FSTL5: variants seen among roughly 807,000 people sequenced by gnomAD.
FSTL5 encodes the protein follistatin-related protein 5.
FSTL5 carries 62 observed loss-of-function variants against 89.1 expected under a neutral mutation model. That is an observed-to-expected ratio of 0.70 (90% CI 0.57 to 0.86). FSTL5 has a LOEUF of 0.86. Ranked by LOEUF, FSTL5 falls within the 40% of genes least tolerant of loss-of-function variation. The probability of loss-of-function intolerance (pLI) is 0.00; values close to 1 mark genes in which losing one functional copy is unlikely to be tolerated. For synonymous variants in FSTL5, 383 were observed against 346.2 expected (o/e 1.11, Z -1.18); for missense variants, 1,057 against 1,001.6 (o/e 1.06, Z -0.75).
At chr4:161,877,687 G>A (rs1425696480) in intron 4 of FSTL5, among the ~76,000 whole-genome samples, 1 of 151,720 alleles carries the variant, frequency 6.6e-6, no homozygotes, top group African/African-American at 2.4e-5. Flanking sequence ...TTAGCCAGGC[G>A]TTGTGGCGGG....
chr4:162,037,029 CTTTAT>C (rs1377806229), intron 2 of FSTL5, among the ~76,000 whole-genome samples: 2 of 151,528 alleles, frequency 1.3e-5, no homozygotes, highest in African/African-American at 4.8e-5. Flanking sequence ...TGGCCTTTTG[CTTTAT>C]TTTGTTTAGT....
intron 3 of FSTL5, among the ~76,000 whole-genome samples, chr4:161,999,993 C>T (rs1215734893): frequency 6.6e-6 from 1 of 152,118 alleles, no homozygotes; most frequent in Non-Finnish European, 1.5e-5. Flanking sequence ...TCAGCCTGTA[C>T]TAAATGACTG....
chr4:161,775,856 T>C (rs1436477823), intron 5 of FSTL5, 22 bp downstream of exon 5: 1 of 1,264,414 alleles, frequency 7.9e-7, no homozygotes, highest in Non-Finnish European at 1.1e-6. Flanking sequence ...AGTAAGTTTG[T>C]TAATATAGTC....
At chr4:162,110,003 T>A (rs528587391) in intron 2 of FSTL5, among the ~76,000 whole-genome samples, 1 of 152,138 alleles carries the variant, frequency 6.6e-6, no homozygotes, top group African/African-American at 2.4e-5. Flanking sequence ...GGAGAAAGCA[T>A]TGATAATTGA....
Position 161,656,509 on chromosome 4 carries a change from T to A in FSTL5, c.728-15A>T. The A allele has an allele frequency of 6.7e-7, 1 of 1,486,312 alleles. No individual in the cohort carries two copies. The highest frequency in any genetic ancestry group is 9.0e-7 in the Non-Finnish European group (1 of 1,116,134). 92.1% of individuals were successfully genotyped at this position (1,486,312 alleles called of 1,614,324 possible). On this transcript the variant is annotated splice_polypyrimidine_tract_variant and intron_variant, in intron 6 of 15. Coordinates refer to ENST00000306100, the MANE Select transcript of FSTL5 (RefSeq NM_020116.5). ...CTGGATCACTTCTGTAAAGATGAAG[T>A]GTCAGTAATGTTGATGAGCATTTAG...
At chr4:162,066,907 C>T (rs1465416714) in intron 2 of FSTL5, among the ~76,000 whole-genome samples, 1 of 151,962 alleles carries the variant, frequency 6.6e-6, no homozygotes, top group Non-Finnish European at 1.5e-5. Context: ...GTGCATGTGT[C>T]TTTATAGTAG....
chr4:162,019,890 A>G (rs115844285), intron 3 of FSTL5, among the ~76,000 whole-genome samples: 1,501 of 149,696 alleles, frequency 0.01, 30 homozygotes, highest in African/African-American at 0.034. Flanking sequence ...ATTTATTTTT[A>G]TAATATTTTT....
intron 9 of FSTL5, among the ~76,000 whole-genome samples, chr4:161,539,719 A>C (rs1419538132): frequency 1.3e-5 from 2 of 152,104 alleles, no homozygotes; most frequent in African/African-American, 2.4e-5. Flanking sequence ...ACAACAACAA[A>C]AAAGAAAGCA....
At chr4:161,967,894 C>A (rs1269639539) in intron 3 of FSTL5, among the ~76,000 whole-genome samples, 1 of 152,014 alleles carries the variant, frequency 6.6e-6, no homozygotes, top group Non-Finnish European at 1.5e-5. Flanking sequence ...ACAAACAAAT[C>A]TTGAAAGTGA....
In FSTL5 at chr4:161,848,611, AT is replaced by A. The variant is rs563427304; in HGVS notation, c.409+71792del. Among the ~76,000 whole-genome samples the A allele has an allele frequency of 2.0e-3, 310 of 151,360 alleles. 1 individual carries two copies. The highest frequency in any genetic ancestry group is 6.8e-3 in the African/African-American group (283 of 41,328). On this transcript the variant is annotated intron_variant, in intron 4 of 15. Coordinates refer to ENST00000306100, the MANE Select transcript of FSTL5 (RefSeq NM_020116.5). ...TTCATGGATTAATCAGGAAAGCATA[AT>A]TTTTTTTTGCAATGCGAATAATTAG...
chr4:161,695,605 T>A (rs563045857), intron 6 of FSTL5, among the ~76,000 whole-genome samples: 2 of 152,262 alleles, frequency 1.3e-5, no homozygotes, highest in South Asian at 2.1e-4. Flanking sequence ...CATTTTCGTG[T>A]AATGACTGCC....
At chr4:161,529,180 T>C (rs1379210067) in intron 10 of FSTL5, among the ~76,000 whole-genome samples, 1 of 143,596 alleles carries the variant, frequency 7.0e-6, no homozygotes, top group African/African-American at 2.5e-5. Flanking sequence ...TCAGATCACA[T>C]AGTATCTTGT....
intron 7 of FSTL5, among the ~76,000 whole-genome samples, chr4:161,647,610 A>G (rs905843170): frequency 3.3e-5 from 5 of 152,094 alleles, no homozygotes; most frequent in African/African-American, 7.2e-5. Flanking sequence ...GAGATCTGCT[A>G]TAAAACATCA....
chr4:161,410,522 C>T (rs1490102408), intron 15 of FSTL5, among the ~76,000 whole-genome samples: 4 of 152,214 alleles, frequency 2.6e-5, no homozygotes, highest in Non-Finnish European at 5.9e-5. Context: ...TTGTAACAAG[C>T]AAACTCTTGG....
intron 15 of FSTL5, among the ~76,000 whole-genome samples, chr4:161,446,371 T>C (rs1732946572): frequency 6.6e-6 from 1 of 152,092 alleles, no homozygotes. Flanking sequence ...ATTTATTTAA[T>C]GGTATTGCTT....
intron 4 of FSTL5, among the ~76,000 whole-genome samples, chr4:161,779,823 A>ATATATATATATATG (rs1741592343): frequency 2.8e-5 from 3 of 106,770 alleles, no homozygotes; most frequent in Middle Eastern, 5.1e-3. Flanking sequence ...ATATATATAT[A>ATATATATATATATG]TATATATATA....
intron 6 of FSTL5, among the ~76,000 whole-genome samples, chr4:161,673,999 T>C (rs1349678933): frequency 6.6e-6 from 1 of 152,014 alleles, no homozygotes; most frequent in African/African-American, 2.4e-5. Flanking sequence ...CATATAAAAT[T>C]GTTAATAAGA....
At chr4:161,429,336 C>T (rs931422184) in intron 15 of FSTL5, among the ~76,000 whole-genome samples, 1 of 152,162 alleles carries the variant, frequency 6.6e-6, no homozygotes, top group Non-Finnish European at 1.5e-5. Flanking sequence ...TTCCCACCTG[C>T]TGATTGTAGA....
In FSTL5 at chr4:161,509,612, GT is replaced by G. The variant is rs557439150; in HGVS notation, c.1339+785del. 3.1e-3 allele frequency among the ~76,000 whole-genome samples: 466 copies of G among 152,244 alleles called. 1 individual carries two copies. Among genetic ancestry groups the G allele is most frequent in the Non-Finnish European group, 4.9e-3 (336 of 68,018 alleles). On this transcript the variant is annotated intron_variant, in intron 11 of 15. Transcript: ENST00000306100. ...GCTTTCACAGGGTACAGTGACTTGG[GT>G]TCCTACAGGAAGCTATAATCAGGGA...
Sources: allele counts gnomAD v4.1 joint callset (sites outside exome capture counted in the v4.1 genomes callset), GRCh38; gene constraint gnomAD v4.1.1; transcripts MANE v1.5; gene names NCBI Gene and HGNC (gene_info 2026-07-23, HGNC 2026-07-21).